Variants in ADAM32 observed in about 807,000 individuals in gnomAD.
The protein encoded by ADAM32 is ADAM metallopeptidase domain 32, also known as disintegrin and metalloproteinase domain-containing protein 32.
In ADAM32, 89 loss-of-function variants were observed where a neutral mutation model predicts 114.9. That is an observed-to-expected ratio of 0.77 (90% CI 0.65 to 0.92). The LOEUF is 0.92. ADAM32 is among the 40% of genes least tolerant of loss of function. The pLI is 0.00. For synonymous variants in ADAM32, 285 were observed against 307.5 expected (o/e 0.93, Z 0.77); for missense variants, 870 against 932.8 (o/e 0.93, Z 0.88).
At chr8:39,282,812 C>A (rs1813505984) in intron 23 of ADAM32, among the ~76,000 whole-genome samples, 1 of 151,996 alleles carries the variant, frequency 6.6e-6, no homozygotes, top group African/African-American at 2.4e-5. Context: ...TCAGTAGACT[C>A]ATATGTCTAT....
At chr8:39,269,839 A>G (rs1177319981) in intron 19 of ADAM32, among the ~76,000 whole-genome samples, 2 of 152,174 alleles carry the variant, frequency 1.3e-5, no homozygotes, top group African/African-American at 2.4e-5. Context: ...ACTGCCCAAG[A>G]CTGGGTAATT....
chr8:39,163,563 T>G (rs1804645311), intron 7 of ADAM32, among the ~76,000 whole-genome samples: 1 of 152,208 alleles, frequency 6.6e-6, no homozygotes, highest in Admixed American at 6.5e-5. Flanking sequence ...CTTTAAAAGT[T>G]ACTGATTGGG....
chr8:39,193,743 T>C (rs539859072), intron 11 of ADAM32, among the ~76,000 whole-genome samples: 7 of 152,240 alleles, frequency 4.6e-5, no homozygotes, highest in Non-Finnish European at 7.3e-5. Context: ...ACTGGCTTTG[T>C]TTTGGAAGAT....
intron 11 of ADAM32, among the ~76,000 whole-genome samples, chr8:39,189,346 C>T (rs756552039): frequency 1.1e-4 from 17 of 152,146 alleles, no homozygotes; most frequent in Admixed American, 2.6e-4. Flanking sequence ...TATTGGCATT[C>T]GCTTAAACTA....
intron 2 of ADAM32, among the ~76,000 whole-genome samples, chr8:39,128,502 T>G (rs1802247456): frequency 6.6e-6 from 1 of 152,216 alleles, no homozygotes; most frequent in South Asian, 2.1e-4. Context: ...AATTGGGACA[T>G]TTAGCCCATT....
At chr8:39,221,292 G>T in intron 12 of ADAM32, 1 of 197,670 alleles carries the variant, frequency 5.1e-6, no homozygotes, top group Non-Finnish European at 1.0e-5. Context: ...CAGTCTATGT[G>T]TCTTCATACA....
chr8:39,132,499 C>G (rs901381003), intron 2 of ADAM32, among the ~76,000 whole-genome samples: 7 of 152,102 alleles, frequency 4.6e-5, no homozygotes, highest in African/African-American at 1.7e-4. Context: ...TTTTTAAACC[C>G]AACTATATAT....
intron 7 of ADAM32, among the ~76,000 whole-genome samples, chr8:39,162,472 C>T (rs1306080105): frequency 6.6e-5 from 10 of 151,948 alleles, no homozygotes; most frequent in Middle Eastern, 3.2e-3. Flanking sequence ...AATAAACATA[C>T]GTGTGCATGT....
chr8:39,174,048 C>T (rs1406204273), intron 10 of ADAM32, among the ~76,000 whole-genome samples: 2 of 152,210 alleles, frequency 1.3e-5, no homozygotes, highest in African/African-American at 4.8e-5. Context: ...TGGTCTCCAA[C>T]TCCTGTCCTC....
chr8:39,195,821 A>G (rs1806946843), intron 11 of ADAM32, among the ~76,000 whole-genome samples: 1 of 152,126 alleles, frequency 6.6e-6, no homozygotes, highest in African/African-American at 2.4e-5. Context: ...GTATATTTTG[A>G]AGGATCTTTT....
intron 12 of ADAM32, 31 bp from the exon 13 acceptor site, chr8:39,221,579 A>T: frequency 6.5e-7 from 1 of 1,535,932 alleles, no homozygotes; most frequent in Non-Finnish European, 9.0e-7. Context: ...GTCATGATGT[A>T]TTTTTACTTG....
chr8:39,273,098 A>G (rs570342399), intron 20 of ADAM32, among the ~76,000 whole-genome samples: 2 of 152,310 alleles, frequency 1.3e-5, no homozygotes, highest in Non-Finnish European at 2.9e-5. Context: ...GTCATTGGCC[A>G]GGATAACAAT....
At chr8:39,177,020 T>C (rs1029280754) in intron 10 of ADAM32, among the ~76,000 whole-genome samples, 2 of 152,160 alleles carry the variant, frequency 1.3e-5, no homozygotes, top group Non-Finnish European at 2.9e-5. Flanking sequence ...CCAACTTTTT[T>C]CTGTTTTTCA....
chr8:39,233,579 G>T (rs1458763415), intron 15 of ADAM32, among the ~76,000 whole-genome samples: 1 of 152,072 alleles, frequency 6.6e-6, no homozygotes, highest in East Asian at 1.9e-4. Context: ...CCGATCTCCT[G>T]TCTCATCCTG....
intron 10 of ADAM32, among the ~76,000 whole-genome samples, chr8:39,175,240 G>C (rs1805451589): frequency 6.6e-6 from 1 of 152,184 alleles, no homozygotes; most frequent in Non-Finnish European, 1.5e-5. Context: ...AATGGTGAGA[G>C]AGGGAATGCT....
intron 19 of ADAM32, among the ~76,000 whole-genome samples, chr8:39,258,888 A>G (rs1189158247): frequency 1.3e-5 from 2 of 152,002 alleles, no homozygotes; most frequent in African/African-American, 4.8e-5. Flanking sequence ...TTCTTGATGT[A>G]TTTTCCTTTA....
intron 6 of ADAM32, 79 bp downstream of exon 6, chr8:39,151,627 G>A: frequency 9.8e-7 from 1 of 1,024,050 alleles, no homozygotes; most frequent in Non-Finnish European, 1.3e-6. Flanking sequence ...AAATTTATAA[G>A]CCCACTGTAG....
intron 12 of ADAM32, among the ~76,000 whole-genome samples, chr8:39,218,464 C>T (rs1808737576): frequency 6.6e-6 from 1 of 152,198 alleles, no homozygotes; most frequent in Non-Finnish European, 1.5e-5. Flanking sequence ...AGCAAGTTCT[C>T]ACAGCCCCTG....
intron 12 of ADAM32, among the ~76,000 whole-genome samples, chr8:39,215,159 G>A (rs112393715): frequency 6.6e-6 from 1 of 151,838 alleles, no homozygotes; most frequent in Admixed American, 6.6e-5. Context: ...TAGCTATTCT[G>A]GGTCTTTTGT....
Sources: allele counts gnomAD v4.1 joint callset (sites outside exome capture counted in the v4.1 genomes callset), GRCh38; gene constraint gnomAD v4.1.1; transcripts MANE v1.5; gene names NCBI Gene and HGNC (gene_info 2026-07-23, HGNC 2026-07-21).